SIL1: variants seen among roughly 807,000 people sequenced by gnomAD.
SIL1 encodes SIL1 nucleotide exchange factor.
Under a neutral mutation model 49.1 loss-of-function variants are expected in SIL1, and 40 were observed. The ratio of observed to expected loss-of-function variants is 0.81; its 90% CI spans 0.63 to 1.06. SIL1 has a LOEUF of 1.06. SIL1 is among the 50% of genes least tolerant of loss of function. SIL1 has a pLI of 0.00. For missense variants in SIL1, 500 were observed against 572.6 expected, an observed-to-expected ratio of 0.87 and a Z score of 1.29; for synonymous variants, 253 against 250.8, an observed-to-expected ratio of 1.01 and a Z score of -0.08.
intron 1 of SIL1, among the ~76,000 whole-genome samples, chr5:139,189,972 T>C (rs955452453): frequency 2.6e-5 from 4 of 152,230 alleles, no homozygotes; most frequent in Middle Eastern, 3.2e-3. Flanking sequence ...CTGTTTTACA[T>C]TGTGCCAGAG....
intron 3 of SIL1, among the ~76,000 whole-genome samples, chr5:139,058,054 G>A (rs755813392): frequency 6.6e-6 from 1 of 152,162 alleles, no homozygotes; most frequent in Non-Finnish European, 1.5e-5. Context: ...ATTAATAAAA[G>A]TAGTATATCC....
intron 7 of SIL1, among the ~76,000 whole-genome samples, chr5:138,971,247 T>C (rs778445099): frequency 5.9e-5 from 9 of 152,052 alleles, no homozygotes; most frequent in Non-Finnish European, 1.2e-4. Context: ...AGATACTAGA[T>C]GATAATTGAC....
chr5:138,979,053 A>T (rs1344094324), intron 7 of SIL1, among the ~76,000 whole-genome samples: 2 of 150,150 alleles, frequency 1.3e-5, no homozygotes, highest in East Asian at 1.9e-4. Context: ...AAGAGTATTT[A>T]ATTTAATTTA....
intron 1 of SIL1, chr5:139,131,705 AG>A (rs534751039): frequency 4.6e-5 from 7 of 152,276 alleles, no homozygotes; most frequent in African/African-American, 1.7e-4. Context: ...ACAGGGATTG[AG>A]TTCACAGCAC....
intron 5 of SIL1, among the ~76,000 whole-genome samples, chr5:139,031,551 T>C (rs896462380): frequency 1.8e-4 from 27 of 152,228 alleles, no homozygotes; most frequent in Admixed American, 5.9e-4. Flanking sequence ...GTGGTGTGTT[T>C]TCTTCCACTT....
At chr5:139,190,595 T>C (rs1752150198) in intron 1 of SIL1, among the ~76,000 whole-genome samples, 1 of 152,222 alleles carries the variant, frequency 6.6e-6, no homozygotes, top group South Asian at 2.1e-4. Flanking sequence ...AGTCCCACTA[T>C]TATGTGGGTG....
At chr5:139,054,700 T>A (rs758321959) in intron 3 of SIL1, among the ~76,000 whole-genome samples, 1 of 152,216 alleles carries the variant, frequency 6.6e-6, no homozygotes, top group African/African-American at 2.4e-5. Flanking sequence ...TATAGTGTGC[T>A]AAGCTCGCCA....
At chr5:138,951,021 A>C in intron 9 of SIL1, 150 bp downstream of exon 9, 3 of 908,398 alleles carry the variant, frequency 3.3e-6, no homozygotes, top group Non-Finnish European at 5.3e-6. Context: ...TGACGTCCCC[A>C]ATCTCTTCCA....
chr5:139,166,247 A>G (rs891735033), intron 1 of SIL1, among the ~76,000 whole-genome samples: 1 of 152,236 alleles, frequency 6.6e-6, no homozygotes, highest in Non-Finnish European at 1.5e-5. Flanking sequence ...TTCAGTCAAC[A>G]ACAGACCACT....
At chr5:138,977,048 C>T (rs1767408504) in intron 7 of SIL1, among the ~76,000 whole-genome samples, 1 of 152,160 alleles carries the variant, frequency 6.6e-6, no homozygotes, top group African/African-American at 2.4e-5. Context: ...CCAGATTGTC[C>T]TCCAACTCAG....
chr5:138,971,787 T>C (rs1434795266), intron 7 of SIL1, among the ~76,000 whole-genome samples: 1 of 152,186 alleles, frequency 6.6e-6, no homozygotes, highest in African/African-American at 2.4e-5. Context: ...GCTGCCACTT[T>C]GCTCAATGCC....
chr5:138,975,775 C>G (rs1432230101), intron 7 of SIL1, among the ~76,000 whole-genome samples: 8 of 152,212 alleles, frequency 5.3e-5, no homozygotes, highest in Non-Finnish European at 8.8e-5. Context: ...GAGAAACTCA[C>G]AGAGAGAGAA....
At chr5:139,000,791 C>T (rs901910546) in intron 7 of SIL1, among the ~76,000 whole-genome samples, 19 of 151,612 alleles carry the variant, frequency 1.3e-4, no homozygotes, top group Non-Finnish European at 2.2e-4. Context: ...TGAAATGACC[C>T]GCTACACACA....
At chr5:139,197,165 A>G (rs1752290262) in intron 1 of SIL1, among the ~76,000 whole-genome samples, 2 of 149,352 alleles carry the variant, frequency 1.3e-5, no homozygotes, top group Admixed American at 1.4e-4. Flanking sequence ...CTAATCGGGA[A>G]GGTGAGGCAG....
intron 3 of SIL1, among the ~76,000 whole-genome samples, chr5:139,077,740 T>C (rs1212502295): frequency 6.6e-6 from 1 of 152,104 alleles, no homozygotes; most frequent in Non-Finnish European, 1.5e-5. Flanking sequence ...AGTTGAGAGG[T>C]ATCAAAAAGA....
At chr5:139,168,564 G>A (rs1581146698) in intron 1 of SIL1, among the ~76,000 whole-genome samples, 1 of 152,072 alleles carries the variant, frequency 6.6e-6, no homozygotes, top group Non-Finnish European at 1.5e-5. Flanking sequence ...TCCCAGCCCG[G>A]TTGCAAGCCC....
chr5:138,977,475 T>C lies in SIL1; in HGVS notation c.768-25591A>G, dbSNP rs138534187. Reference sequence around the variant, plus strand: ...AGCAATCAGAGGAATCTTTTTTTTTTCCTCCTTTTTTTCTTTTTGACACTA... The same window carrying C: ...AGCAATCAGAGGAATCTTTTTTTTTCCCTCCTTTTTTTCTTTTTGACACTA... On this transcript the variant is annotated intron_variant, in intron 7 of 9. Transcript: ENST00000394817. 5.7e-3 allele frequency among the ~76,000 whole-genome samples: 863 copies of C among 152,116 alleles called. 11 individuals carry two copies. The highest frequency in any genetic ancestry group is 0.02 in the African/African-American group (823 of 41,490).
intron 7 of SIL1, among the ~76,000 whole-genome samples, chr5:138,978,839 G>T (rs1189720998): frequency 1.3e-5 from 2 of 152,128 alleles, no homozygotes; most frequent in East Asian, 3.8e-4. Context: ...TGTCCATTCA[G>T]ATCCTTTGCC....
At chr5:139,137,464 T>C in intron 1 of SIL1, 2 of 603,792 alleles carry the variant, frequency 3.3e-6, no homozygotes. Flanking sequence ...GGACTCATCA[T>C]TTTATTTGTT....
Sources: gnomAD v4.1 joint callset for allele counts (sites outside exome capture counted in the v4.1 genomes callset) on GRCh38, gnomAD v4.1.1 for gene constraint, MANE v1.5 for transcripts, NCBI Gene and HGNC (gene_info 2026-07-23, HGNC 2026-07-21) for gene names.